TCTN2: variants seen among roughly 807,000 people sequenced by gnomAD.
TCTN2 encodes tectonic-2.
TCTN2 carries 66 observed loss-of-function variants against 83.4 expected under a neutral mutation model. The observed-to-expected ratio is 0.79, with a 90% confidence interval of 0.65 to 0.97. TCTN2 has a LOEUF of 0.97. Among genes scored for constraint, TCTN2 ranks in the 50% least tolerant of loss-of-function variants. TCTN2 has a pLI of 0.00. For synonymous variants in TCTN2, 301 were observed against 326.7 expected (o/e 0.92, Z 0.85); for missense variants, 794 against 858.1 (o/e 0.93, Z 0.93).
chr12:123,679,778 C>T (rs775670609), intron 5 of TCTN2, among the ~76,000 whole-genome samples: 18 of 123,840 alleles, frequency 1.5e-4, no homozygotes, highest in Admixed American at 5.0e-4. Flanking sequence ...CTCGCTCTGT[C>T]GCCCAGCCTG....
chr12:123,681,171 C>A (rs574464964), intron 5 of TCTN2, among the ~76,000 whole-genome samples: 1 of 151,534 alleles, frequency 6.6e-6, no homozygotes, highest in Non-Finnish European at 1.5e-5. Context: ...CTGAGAGGAT[C>A]GCTTGAGCCC....
intron 17 of TCTN2, 55 bp from the exon 18 acceptor site, chr12:123,707,549 T>C (rs1306984360): frequency 6.6e-7 from 1 of 1,526,152 alleles, no homozygotes; most frequent in East Asian, 2.2e-5. Context: ...ATACCTACAC[T>C]GTTATCAAAA....
chr12:123,696,557 AT>A (rs1042323169), intron 12 of TCTN2, 62 bp downstream of exon 12: 2 of 1,403,384 alleles, frequency 1.4e-6, no homozygotes, highest in African/African-American at 1.4e-5. Context: ...GTATTACCAT[AT>A]TTTGAATCTA....
chr12:123,702,141 A>G (rs1033178087), intron 14 of TCTN2, among the ~76,000 whole-genome samples: 3 of 152,128 alleles, frequency 2.0e-5, no homozygotes, highest in Admixed American at 2.0e-4. Flanking sequence ...GTCTGTAAAT[A>G]CTTTGAATGG....
chr12:123,672,780 G>A (rs1212147030), intron 3 of TCTN2, among the ~76,000 whole-genome samples: 1 of 152,146 alleles, frequency 6.6e-6, no homozygotes, highest in African/African-American at 2.4e-5. Flanking sequence ...GTCAGGCGCG[G>A]TGGCTCACGC....
In TCTN2 at chr12:123,686,969, C is replaced by T. The variant is rs777782848; in HGVS notation, c.698C>T (p.Pro233Leu). The change falls in exon 6 of 18, where the codon CCC becomes CTC. Residue 233 changes from proline to leucine, a missense_variant. Transcript: ENST00000303372. The stretch of plus-strand genomic sequence containing the variant: ...ACACGTGGTGTCCCCGATTGGTTTC[C>T]CTTTCTGTGTGTGCAGTCCCCCCTT... ...TTTRGVPDWF[P>L]FLCVQSPLAN... 4 of 1,614,176 alleles carry T rather than the reference C, an allele frequency of 2.5e-6. No individual in the cohort carries two copies. Among genetic ancestry groups the T allele is most frequent in the Non-Finnish European group, 3.4e-6 (4 of 1,180,032 alleles).
At chr12:123,683,918 C>T (rs893760975) in intron 5 of TCTN2, among the ~76,000 whole-genome samples, 6 of 152,128 alleles carry the variant, frequency 3.9e-5, no homozygotes, top group Admixed American at 1.3e-4. Context: ...GGATCACAGG[C>T]GTGAGCCACT....
chr12:123,699,225 C>T (rs941439682), intron 13 of TCTN2, among the ~76,000 whole-genome samples: 7 of 151,260 alleles, frequency 4.6e-5, no homozygotes, highest in African/African-American at 1.7e-4. Context: ...ACGATCTCAG[C>T]TCACTGTAGC....
intron 2 of TCTN2, among the ~76,000 whole-genome samples, 191 bp downstream of exon 2, chr12:123,671,805 A>G (rs1436284525): frequency 1.3e-5 from 2 of 152,246 alleles, no homozygotes; most frequent in Non-Finnish European, 2.9e-5. Context: ...GCCTGAAATA[A>G]TAATGGTTAG....
At chr12:123,698,438 C>G (rs1315163230) in intron 13 of TCTN2, among the ~76,000 whole-genome samples, 1 of 151,282 alleles carries the variant, frequency 6.6e-6, no homozygotes, top group Non-Finnish European at 1.5e-5. Flanking sequence ...TGCATGCGTT[C>G]TTTTTGGCTT....
intron 5 of TCTN2, among the ~76,000 whole-genome samples, chr12:123,680,370 C>A (rs894288189): frequency 1.4e-5 from 2 of 139,200 alleles, no homozygotes; most frequent in Middle Eastern, 3.7e-3. Flanking sequence ...AAAAAAAAAT[C>A]ACACAACTTT....
At position 123,707,646 on chromosome 12, in the gene TCTN2, T is replaced by C. The variant is rs1435991407; in HGVS notation, c.2027T>C (p.Leu676Pro). The change falls in exon 18 of 18, where the codon CTG (leucine) becomes CCG (proline). Residue 676 changes from leucine (L) to proline (P), a missense_variant. Transcript: ENST00000303372. ...SQCVAKGLLL[L>P]LFLTLALFLS... ...TGTGTTGCTAAGGGCTTACTGTTGC[T>C]GTTGTTCCTCACATTGGCCTTGTTC... The C allele has an allele frequency of 6.2e-7, 1 of 1,614,250 alleles. No homozygotes were observed. Among genetic ancestry groups the C allele is most frequent in the Non-Finnish European group, 8.5e-7 (1 of 1,180,038 alleles).
At chr12:123,699,182 C>G (rs574033635) in intron 13 of TCTN2, among the ~76,000 whole-genome samples, 1 of 145,616 alleles carries the variant, frequency 6.9e-6, no homozygotes, top group East Asian at 2.0e-4. Flanking sequence ...GAGACAGGAT[C>G]TTGCTCTGTC....
chr12:123,690,468 G>A, intron 7 of TCTN2, 65 bp from the exon 8 acceptor site: 4 of 1,609,784 alleles, frequency 2.5e-6, no homozygotes, highest in Non-Finnish European at 3.4e-6. Flanking sequence ...TTTAAGGGAT[G>A]CTGATCTGTT....
chr12:123,689,885 C>T (rs761503380), intron 7 of TCTN2, among the ~76,000 whole-genome samples: 1 of 152,132 alleles, frequency 6.6e-6, no homozygotes, highest in Non-Finnish European at 1.5e-5. Context: ...ACTGCAGCCT[C>T]CATCTCATGG....
At chr12:123,704,718 T>C (rs773893370) in intron 15 of TCTN2, 30 bp downstream of exon 15, 2 of 1,613,130 alleles carry the variant, frequency 1.2e-6, no homozygotes, top group Non-Finnish European at 1.7e-6. Flanking sequence ...CACCGTAGTT[T>C]AGAGAGAGTC....
intron 14 of TCTN2, among the ~76,000 whole-genome samples, chr12:123,701,273 C>T (rs117168088): frequency 0.011 from 1,619 of 152,110 alleles, 16 homozygotes; most frequent in Non-Finnish European, 0.018. Context: ...GAGAGACTGC[C>T]GTGGGTAAAG....
chr12:123,672,579 T>A (rs576043902), intron 3 of TCTN2, among the ~76,000 whole-genome samples: 70 of 147,296 alleles, frequency 4.8e-4, no homozygotes, highest in African/African-American at 1.8e-3. Flanking sequence ...ACAAAACAAT[T>A]AAAAAAAAAA....
chr12:123,677,454 G>A (rs1157045364), intron 4 of TCTN2, among the ~76,000 whole-genome samples: 2 of 152,148 alleles, frequency 1.3e-5, no homozygotes, highest in Non-Finnish European at 2.9e-5. Flanking sequence ...AAATGCAAAA[G>A]TAAAATTCAG....
Sources: allele counts gnomAD v4.1 joint callset (sites outside exome capture counted in the v4.1 genomes callset), GRCh38; gene constraint gnomAD v4.1.1; transcripts MANE v1.5; gene names NCBI Gene and HGNC (gene_info 2026-07-23, HGNC 2026-07-21).